VEPH1: variants seen among roughly 807,000 people sequenced by gnomAD.
VEPH1 encodes the protein ventricular zone expressed PH domain containing 1.
VEPH1 carries 80 observed loss-of-function variants against 85.2 expected under a neutral mutation model. The observed-to-expected ratio is 0.94, with a 90% CI of 0.78 to 1.13. VEPH1 has a LOEUF of 1.13. VEPH1 is among the 50% of genes most tolerant of loss of function. VEPH1 has a pLI of 0.00. For missense variants in VEPH1, 955 were observed against 980.5 expected (o/e 0.97, Z 0.35); for synonymous variants, 297 against 348.0 (o/e 0.85, Z 1.63).
chr3:157,302,536 C>T (rs1480473849), intron 11 of VEPH1, among the ~76,000 whole-genome samples: 4 of 152,204 alleles, frequency 2.6e-5, no homozygotes, highest in African/African-American at 9.6e-5. Context: ...CGTGAGGACA[C>T]AGCATTTGGG....
intron 12 of VEPH1, among the ~76,000 whole-genome samples, chr3:157,277,049 A>G (rs1352847147): frequency 6.6e-6 from 1 of 152,064 alleles, no homozygotes; most frequent in African/African-American, 2.4e-5. Context: ...ATGCGCCACC[A>G]CAGGCTAATT....
In VEPH1 at chr3:157,470,367, C is replaced by T. The variant is rs749997490; in HGVS notation, c.301G>A (p.Glu101Lys). The T allele has an allele frequency of 6.2e-6, 10 of 1,614,074 alleles. No individual in the cohort carries two copies. Among genetic ancestry groups the T allele is most frequent in the South Asian group, 4.4e-5 (4 of 91,080 alleles). The part of the protein sequence containing the change: ...EHNLRPFGKD[E>K]DTPHAKIASD... ...GCGATTTTTGCATGAGGAGTGTCTT[C>T]GTCTTTCCCAAAGGGTCTCAGGTTA... is the stretch of plus-strand genomic sequence containing the variant. The change falls in exon 3 of 14, where the codon GAA becomes AAA. Residue 101 changes from glutamate to lysine, a missense_variant. By Grantham distance (56) the Glu-to-Lys change is moderately conservative. Transcript: ENST00000362010.
At chr3:157,369,195 A>AAAAC (rs1727191369) in intron 7 of VEPH1, among the ~76,000 whole-genome samples, 1 of 147,378 alleles carries the variant, frequency 6.8e-6, no homozygotes, top group Non-Finnish European at 1.5e-5. Flanking sequence ...AAAAAAAAAA[A>AAAAC]AAAAAAAAAC....
At chr3:157,308,397 T>C (rs1394090087) in intron 11 of VEPH1, among the ~76,000 whole-genome samples, 3 of 152,052 alleles carry the variant, frequency 2.0e-5, no homozygotes, top group Admixed American at 6.5e-5. Context: ...AGGATTCGTT[T>C]CATACGTAGC....
chr3:157,299,935 A>G (rs941192109), intron 11 of VEPH1, among the ~76,000 whole-genome samples: 1 of 152,110 alleles, frequency 6.6e-6, no homozygotes, highest in Non-Finnish European at 1.5e-5. Context: ...TACATGTATT[A>G]TGTCTTTTGA....
chr3:157,342,323 G>A (rs1230412936), intron 9 of VEPH1, among the ~76,000 whole-genome samples: 3 of 152,122 alleles, frequency 2.0e-5, no homozygotes, highest in African/African-American at 7.2e-5. Context: ...ATAAAGGGAT[G>A]GAGGAAGATC....
Position 157,414,085 on chromosome 3 carries a change from A to G in VEPH1, c.702T>C (p.Val234=), listed in dbSNP as rs1325189125. The G allele has an allele frequency of 6.2e-7, 1 of 1,605,610 alleles. No homozygotes were observed. Among genetic ancestry groups the G allele is most frequent in the African/African-American group, 1.3e-5 (1 of 74,710 alleles). ...CAATTAGGAAAGGAATACACTTCTG[A>G]ACTACCTATAAAGAGAGAGGAGAGG... The part of the protein sequence containing the change: ...VAAKKKQLEV[V]QKCIPFLIGH... The change falls in exon 6 of 14, where the codon GTT becomes GTC. Residue 234 remains valine (V), a synonymous_variant. Coordinates refer to ENST00000362010, the MANE Select transcript of VEPH1 (RefSeq NM_001167912.2).
At chr3:157,431,561 C>T (rs970749611) in intron 4 of VEPH1, among the ~76,000 whole-genome samples, 3 of 152,056 alleles carry the variant, frequency 2.0e-5, no homozygotes, top group Non-Finnish European at 4.4e-5. Flanking sequence ...TCTTATTTAG[C>T]AACCTTAATT....
chr3:157,396,231 A>G (rs190512976), intron 6 of VEPH1, among the ~76,000 whole-genome samples: 8 of 152,294 alleles, frequency 5.3e-5, no homozygotes, highest in African/African-American at 1.9e-4. Flanking sequence ...AATGACTTCC[A>G]GCTCCATCCA....
At chr3:157,435,680 G>A (rs536256494) in intron 4 of VEPH1, among the ~76,000 whole-genome samples, 1 of 152,306 alleles carries the variant, frequency 6.6e-6, no homozygotes, top group South Asian at 2.1e-4. Flanking sequence ...TCATGGGATT[G>A]TTGTTTTTGC....
chr3:157,457,427 A>C lies in VEPH1; in HGVS notation c.529+2754T>G, dbSNP rs1735474419. 3.3e-5 allele frequency among the ~76,000 whole-genome samples: 5 copies of C among 152,070 alleles called. No homozygotes were observed. In the South Asian group the frequency reaches 1.0e-3, roughly 32 times the overall value. ...GATTTCCAACACTATGTTGAATAGG[A>C]GTGGTGAGAGAGGGCGTCCTTGTCT... On this transcript the variant is annotated intron_variant, in intron 4 of 13. Transcript: ENST00000362010.
chr3:157,334,590 T>C (rs1341658730), intron 9 of VEPH1, among the ~76,000 whole-genome samples: 1 of 152,186 alleles, frequency 6.6e-6, no homozygotes, highest in African/African-American at 2.4e-5. Flanking sequence ...TCTGAGGACT[T>C]ACCAAGGATG....
intron 4 of VEPH1, chr3:157,443,546 T>C (rs904840316): frequency 6.6e-6 from 1 of 152,572 alleles, no homozygotes. Context: ...TTTAAGACTA[T>C]TTTTGTAAAG....
chr3:157,284,562 T>C (rs1716537329), intron 12 of VEPH1, among the ~76,000 whole-genome samples: 1 of 152,196 alleles, frequency 6.6e-6, no homozygotes, highest in African/African-American at 2.4e-5. Flanking sequence ...AACAATATTA[T>C]GTTAGACCTT....
At chr3:157,433,284 G>A (rs183056472) in intron 4 of VEPH1, among the ~76,000 whole-genome samples, 242 of 152,210 alleles carry the variant, frequency 1.6e-3, no homozygotes, top group African/African-American at 5.5e-3. Flanking sequence ...CACTGTCCAC[G>A]GGTATCCTTG....
At chr3:157,433,342 A>G (rs889026717) in intron 4 of VEPH1, among the ~76,000 whole-genome samples, 8 of 152,252 alleles carry the variant, frequency 5.3e-5, no homozygotes, top group African/African-American at 1.7e-4. Flanking sequence ...TTACAATTAC[A>G]TATGTATCTG....
intron 3 of VEPH1, among the ~76,000 whole-genome samples, chr3:157,462,868 T>C (rs1021223180): frequency 6.6e-6 from 1 of 152,174 alleles, no homozygotes; most frequent in African/African-American, 2.4e-5. Context: ...AGAATCACAT[T>C]TCCCTGGTTC....
chr3:157,437,870 T>C, intron 4 of VEPH1: 1 of 1,503,802 alleles, frequency 6.6e-7, no homozygotes, highest in Non-Finnish European at 8.8e-7. Flanking sequence ...CGAGCCGACC[T>C]GCACGCGGTG....
At chr3:157,267,941 C>T (rs1353547402) in intron 12 of VEPH1, among the ~76,000 whole-genome samples, 1 of 152,200 alleles carries the variant, frequency 6.6e-6, no homozygotes, top group Non-Finnish European at 1.5e-5. Context: ...GACATTTGAT[C>T]TGACACCTCA....
Sources: gnomAD v4.1 joint callset for allele counts (sites outside exome capture counted in the v4.1 genomes callset) on GRCh38, gnomAD v4.1.1 for gene constraint, MANE v1.5 for transcripts, NCBI Gene and HGNC (gene_info 2026-07-23, HGNC 2026-07-21) for gene names.